PRDM16: variants seen among roughly 807,000 people sequenced by gnomAD.
PRDM16 encodes PR/SET domain 16, also known as histone-lysine N-methyltransferase PRDM16.
In PRDM16, 23 loss-of-function variants were observed where a neutral mutation model predicts 110.6. The ratio of observed to expected loss-of-function variants is 0.21; its 90% CI spans 0.15 to 0.29. PRDM16 has a LOEUF of 0.29. Ranked by LOEUF, PRDM16 falls within the 10% of genes least tolerant of loss-of-function variation. The pLI, the probability that PRDM16 is intolerant of heterozygous loss-of-function variation, is 1.00. For missense variants in PRDM16, 1,615 were observed against 1,794.3 expected (o/e 0.90, Z 1.81); for synonymous variants, 799 against 781.8 (o/e 1.02, Z -0.37).
chr1:3,383,114 A>G (rs978389801), intron 3 of PRDM16, among the ~76,000 whole-genome samples: 3 of 152,222 alleles, frequency 2.0e-5, no homozygotes, highest in East Asian at 1.9e-4. Flanking sequence ...CTGGCCATTC[A>G]GTCACAGTCA....
At chr1:3,145,928 C>G (rs1643640581) in intron 1 of PRDM16, among the ~76,000 whole-genome samples, 1 of 152,114 alleles carries the variant, frequency 6.6e-6, no homozygotes, top group East Asian at 1.9e-4. Flanking sequence ...GGAGAGGTCC[C>G]CCGGCGCCCC....
At chr1:3,313,475 C>T (rs1316930442) in intron 3 of PRDM16, among the ~76,000 whole-genome samples, 2 of 148,980 alleles carry the variant, frequency 1.3e-5, no homozygotes, top group Admixed American at 6.6e-5. Flanking sequence ...GAGGCTCTGC[C>T]GTCCCCACCC....
intron 2 of PRDM16, among the ~76,000 whole-genome samples, chr1:3,216,498 G>A (rs1002649006): frequency 2.6e-5 from 4 of 152,242 alleles, no homozygotes; most frequent in Admixed American, 6.5e-5. Flanking sequence ...TCCCCACCCA[G>A]GTCTGGTGGG....
chr1:3,273,190 C>T (rs1415138662), intron 3 of PRDM16, among the ~76,000 whole-genome samples: 1 of 152,174 alleles, frequency 6.6e-6, no homozygotes. Context: ...CAGGTTTTTA[C>T]CCAGCTCTTA....
intron 1 of PRDM16, among the ~76,000 whole-genome samples, chr1:3,097,069 G>A (rs2817167): frequency 0.57 from 86,110 of 151,954 alleles, 26,042 homozygotes; most frequent in African/African-American, 0.77. Context: ...TTTTGCTGGG[G>A]CTGGGGTCAG....
chr1:3,368,952 C>T (rs1157915080), intron 3 of PRDM16, among the ~76,000 whole-genome samples: 3 of 152,272 alleles, frequency 2.0e-5, no homozygotes, highest in East Asian at 1.9e-4. Context: ...TCGGAGAGGC[C>T]GTGGGGTTGG....
chr1:3,394,455 C>A (rs544828094), intron 4 of PRDM16: 4 of 424,294 alleles, frequency 9.4e-6, no homozygotes, highest in Admixed American at 5.1e-5. Flanking sequence ...CGAGGTCTCA[C>A]GTCAGGACCC....
rs531222235 is a variant in PRDM16 at position 3,290,752 on chromosome 1, A to G, written c.438+46615A>G. On this transcript the variant is annotated intron_variant, in intron 3 of 16. Coordinates refer to ENST00000270722, the MANE Select transcript of PRDM16 (RefSeq NM_022114.4). The surrounding 1 kb of genome is among the most constrained non-coding windows in gnomAD (Gnocchi z 4.8). Reference sequence around the variant, plus strand: ...AACTCAAGCCGGGAGCTGTGGATCCAAAAATATTGCAGAGTTTCCCGAGGC... The same window carrying G: ...AACTCAAGCCGGGAGCTGTGGATCCGAAAATATTGCAGAGTTTCCCGAGGC... Among the ~76,000 whole-genome samples the G allele has an allele frequency of 2.0e-5, 3 of 152,210 alleles. No individual in the cohort carries two copies. The highest frequency in any genetic ancestry group is 1.3e-4 in the Admixed American group (2 of 15,290).
chr1:3,283,897 G>A (rs959894999), intron 3 of PRDM16, among the ~76,000 whole-genome samples: 3 of 152,272 alleles, frequency 2.0e-5, no homozygotes, highest in African/African-American at 7.2e-5. Flanking sequence ...AGGAGCCCAG[G>A]TGCCTCCGCG....
intron 3 of PRDM16, among the ~76,000 whole-genome samples, chr1:3,324,913 G>T (rs1022562393): frequency 6.6e-6 from 1 of 152,154 alleles, no homozygotes; most frequent in African/African-American, 2.4e-5. Flanking sequence ...GTCCAGGCCA[G>T]CGGACGCCCC....
At chr1:3,326,308 TC>T (rs992042746) in intron 3 of PRDM16, among the ~76,000 whole-genome samples, 2 of 152,272 alleles carry the variant, frequency 1.3e-5, no homozygotes, top group Non-Finnish European at 2.9e-5. Flanking sequence ...ACACCCTACT[TC>T]CTTGTTCAGA....
chr1:3,426,381 C>T (rs1052458540), intron 14 of PRDM16, among the ~76,000 whole-genome samples, 156 bp downstream of exon 14: 5 of 151,640 alleles, frequency 3.3e-5, no homozygotes, highest in African/African-American at 1.2e-4. Flanking sequence ...GGCCCCTGGG[C>T]TCTGGGAACC....
At chr1:3,123,777 T>C (rs1643146171) in intron 1 of PRDM16, among the ~76,000 whole-genome samples, 1 of 152,222 alleles carries the variant, frequency 6.6e-6, no homozygotes, top group Non-Finnish European at 1.5e-5. Flanking sequence ...CCCCAGGGCA[T>C]TGCCCCAGTG....
intron 2 of PRDM16, among the ~76,000 whole-genome samples, chr1:3,195,401 A>G (rs944838798): frequency 2.6e-5 from 4 of 152,186 alleles, no homozygotes; most frequent in Admixed American, 6.5e-5. Context: ...TACCTCCCTG[A>G]TGGCTCTCCT....
chr1:3,425,944 C>A lies in PRDM16; in HGVS notation c.3110-107C>A. ...GTGCTCTCCGGTGTCCCTAAGAAAC[C>A]TGCCTCCCTAACAGCACCCCAGGTG... On this transcript the variant is annotated intron_variant, in intron 13 of 16. Coordinates refer to ENST00000270722, the MANE Select transcript of PRDM16 (RefSeq NM_022114.4). This position sits in a 1 kb window ranked among gnomAD's most constrained non-coding sequence, Gnocchi z 6.9. 7.4e-7 allele frequency: 1 copy of A among 1,353,478 alleles called. No homozygotes were observed. Among genetic ancestry groups the A allele is most frequent in the Non-Finnish European group, 1.0e-6 (1 of 1,002,866 alleles). 83.8% of individuals were successfully genotyped at this position (1,353,478 alleles called of 1,614,324 possible).
chr1:3,364,484 G>A (rs961348029), intron 3 of PRDM16, among the ~76,000 whole-genome samples: 3 of 152,292 alleles, frequency 2.0e-5, no homozygotes, highest in South Asian at 4.2e-4. Context: ...ACAAGCCCCC[G>A]GAGGATGGCT....
At chr1:3,356,893 A>C (rs1220632932) in intron 3 of PRDM16, among the ~76,000 whole-genome samples, 1 of 152,070 alleles carries the variant, frequency 6.6e-6, no homozygotes, top group Non-Finnish European at 1.5e-5. Context: ...GCTACCCCGG[A>C]TCCCGGCAGC....
At chr1:3,364,696 C>T (rs985128867) in intron 3 of PRDM16, among the ~76,000 whole-genome samples, 4 of 152,358 alleles carry the variant, frequency 2.6e-5, no homozygotes, top group African/African-American at 7.2e-5. Flanking sequence ...CACTCAGCTG[C>T]GCGGGGGACA....
intron 12 of PRDM16, 121 bp downstream of exon 12, chr1:3,418,865 C>T (rs894570338): frequency 1.7e-5 from 13 of 757,574 alleles, no homozygotes; most frequent in African/African-American, 1.5e-4. Context: ...AGGCAGTGGG[C>T]AGGGCCGGGT....
Sources: gnomAD v4.1 joint callset for allele counts (sites outside exome capture counted in the v4.1 genomes callset) on GRCh38, gnomAD v4.1.1 for gene constraint, Gnocchi (gnomAD v3.1) non-coding constraint, MANE v1.5 for transcripts, NCBI Gene and HGNC (gene_info 2026-07-23, HGNC 2026-07-21) for gene names.